The following PLXNB2 variants were observed in gnomAD, a reference collection of about 807,000 sequenced individuals.
PLXNB2 encodes plexin-B2.
In PLXNB2, 85 loss-of-function variants were observed where a neutral mutation model predicts 202.6. The observed-to-expected ratio is 0.42, with a 90% CI of 0.35 to 0.50. The LOEUF is 0.50. PLXNB2 is among the 20% of genes least tolerant of loss of function. The pLI, the probability that PLXNB2 is intolerant of heterozygous loss-of-function variation, is 0.02. For synonymous variants in PLXNB2, 1,239 were observed against 1,137.6 expected (o/e 1.09, Z -1.79); for missense variants, 2,063 against 2,586.2 (o/e 0.80, Z 4.39).
intron 1 of PLXNB2, among the ~76,000 whole-genome samples, chr22:50,300,867 C>T (rs576182643): frequency 1.3e-5 from 2 of 152,274 alleles, no homozygotes; most frequent in Admixed American, 6.5e-5. Flanking sequence ...TTAGTCACAG[C>T]CCCCACTGGT....
rs2066622538 is a variant in PLXNB2 at position 50,288,354 on chromosome 22, T to C, written c.1381-317A>G. ...TCTCTGGCACTAACCCCCCACAAGCTTGGGGCCCAGGCCCATGTTCTCCAC... is the reference window on the plus strand; with the variant it reads ...TCTCTGGCACTAACCCCCCACAAGCCTGGGGCCCAGGCCCATGTTCTCCAC... On this transcript the variant is annotated intron_variant, in intron 5 of 36. Transcript: ENST00000359337. This position sits in a 1 kb window ranked among gnomAD's most constrained non-coding sequence, Gnocchi z 5.0. 1.3e-5 allele frequency among the ~76,000 whole-genome samples: 2 copies of C among 152,116 alleles called. No homozygotes were observed. The highest frequency in any genetic ancestry group is 2.1e-4 in the South Asian group (1 of 4,808).
intron 1 of PLXNB2, among the ~76,000 whole-genome samples, chr22:50,299,277 G>C (rs1240650365): frequency 7.1e-6 from 1 of 141,656 alleles, no homozygotes; most frequent in African/African-American, 2.5e-5. Flanking sequence ...AAGGATTGGG[G>C]TGGACACAGG....
chr22:50,286,020 G>A lies in PLXNB2; in HGVS notation c.1956C>T (p.Asn652=). The part of the protein sequence containing the change: ...RYHECREASP[N]PEDGIVRAHM... ...GGGCACGGACGATGCCGTCCTCAGG[G>A]TTGGGCGAAGCCTCCCGGCACTCGT... The change falls in exon 10 of 37, where the codon AAC becomes AAT. Residue 652 remains asparagine, a synonymous_variant. Transcript: ENST00000359337. 3 of 1,612,454 alleles carry A rather than the reference G, an allele frequency of 1.9e-6. No individual in the cohort carries two copies. In the South Asian group the frequency reaches 3.3e-5, roughly 18 times the overall value.
chr22:50,287,821 C>T lies in PLXNB2; in HGVS notation c.1482-28G>A, dbSNP rs755659932. The T allele has an allele frequency of 3.1e-6, 5 of 1,595,674 alleles. No individual in the cohort carries two copies. In the African/African-American group the frequency reaches 6.7e-5, roughly 21 times the overall value. Reference sequence around the variant, plus strand: ...GCAGGCGCAGGGGGCGGCCTCAGCCCAGGGTGGAGTCTTGTTCTCCCGGGA... The same window carrying T: ...GCAGGCGCAGGGGGCGGCCTCAGCCTAGGGTGGAGTCTTGTTCTCCCGGGA... On this transcript the variant is annotated intron_variant, in intron 6 of 36. Transcript: ENST00000359337.
chr22:50,296,143 A>C (rs1247063960), intron 1 of PLXNB2, among the ~76,000 whole-genome samples: 1 of 151,216 alleles, frequency 6.6e-6, no homozygotes, highest in African/African-American at 2.4e-5. Context: ...GGGAGCAAGG[A>C]GGAGGCCACG....
At position 50,289,474 on chromosome 22, in the gene PLXNB2, C is replaced by G. The variant is rs376556544; in HGVS notation, c.1068+43G>C. On this transcript the variant is annotated intron_variant, in intron 3 of 36. Coordinates refer to ENST00000359337, the MANE Select transcript of PLXNB2 (RefSeq NM_012401.4). The surrounding 1 kb of genome is among the most constrained non-coding windows in gnomAD (Gnocchi z 8.0). ...TGGGACACGCAAACCCACGAACGGA[C>G]GCCTGCAGTCCGGGCCCTGCGAGAA... 6.5e-6 allele frequency: 10 copies of G among 1,535,344 alleles called. No homozygotes were observed. The African/African-American group carries it at 1.1e-4, about 17-fold the overall frequency.
chr22:50,298,764 G>C (rs1261563250), intron 1 of PLXNB2, among the ~76,000 whole-genome samples: 1 of 152,182 alleles, frequency 6.6e-6, no homozygotes, highest in Non-Finnish European at 1.5e-5. Flanking sequence ...TCCTGCCTCA[G>C]CCTCTCCAGT....
At chr22:50,292,380 C>G (rs970628798) in intron 2 of PLXNB2, among the ~76,000 whole-genome samples, 1 of 140,862 alleles carries the variant, frequency 7.1e-6, no homozygotes, top group Admixed American at 7.1e-5. Context: ...GTACAAAGAA[C>G]AAGCCACAAA....
intron 1 of PLXNB2, among the ~76,000 whole-genome samples, chr22:50,299,606 G>C (rs371381557): frequency 6.6e-6 from 1 of 152,178 alleles, no homozygotes; most frequent in Admixed American, 6.5e-5. Flanking sequence ...GGGGTGCCGC[G>C]GGGCGTGGGG....
intron 1 of PLXNB2, among the ~76,000 whole-genome samples, chr22:50,307,112 G>A (rs1352005277): frequency 6.6e-6 from 1 of 151,934 alleles, no homozygotes; most frequent in African/African-American, 2.4e-5. Context: ...TGGTCCCCCC[G>A]CGCCAAGCAG....
chr22:50,304,724 C>G (rs2067826563), intron 1 of PLXNB2, among the ~76,000 whole-genome samples: 1 of 152,106 alleles, frequency 6.6e-6, no homozygotes, highest in Non-Finnish European at 1.5e-5. Context: ...CCACCCCACC[C>G]ACAGCCCCAC....
intron 2 of PLXNB2, among the ~76,000 whole-genome samples, chr22:50,294,395 AC>A (rs2067112329): frequency 1.4e-5 from 2 of 146,486 alleles, no homozygotes; most frequent in South Asian, 4.4e-4. Context: ...CCCCCACCAC[AC>A]CCCCAACGCT....
chr22:50,282,974 T>A (rs1223249658), intron 17 of PLXNB2, 76 bp downstream of exon 17: 2 of 1,566,492 alleles, frequency 1.3e-6, no homozygotes, highest in African/African-American at 1.4e-5. Flanking sequence ...TCAGGGCCAC[T>A]CAGGTCTCAG....
intron 27 of PLXNB2, 31 bp from the exon 28 acceptor site, chr22:50,279,042 G>C: frequency 6.3e-7 from 1 of 1,579,022 alleles, no homozygotes; most frequent in African/African-American, 1.3e-5. Context: ...AAGCCCAGTG[G>C]GAGGCCCTGC....
rs112116434 is a variant in PLXNB2, at chr22:50,279,861, C to T, written c.4243-85G>A. 3.8e-5 allele frequency: 58 copies of T among 1,525,568 alleles called. No homozygotes were observed. In the South Asian group the frequency reaches 5.0e-4, roughly 13 times the overall value. 94.5% of individuals were successfully genotyped at this position (1,525,568 alleles called of 1,614,324 possible). On this transcript the variant is annotated intron_variant, in intron 26 of 36. Transcript: ENST00000359337. The stretch of plus-strand genomic sequence containing the variant: ...CCGGAGCCCTGGCCAGAGGCATGGA[C>T]GGGGCTGACCATGTCAGGGGCAGGA...
chr22:50,306,736 CT>C (rs1321113777), intron 1 of PLXNB2, among the ~76,000 whole-genome samples: 1 of 151,266 alleles, frequency 6.6e-6, no homozygotes, highest in East Asian at 2.0e-4. Context: ...CCCTCACCCC[CT>C]GTCCTGACTC....
At chr22:50,303,739 C>T (rs755359484) in intron 1 of PLXNB2, among the ~76,000 whole-genome samples, 1 of 152,218 alleles carries the variant, frequency 6.6e-6, no homozygotes, top group Admixed American at 6.5e-5. Flanking sequence ...CCAGAGGGGC[C>T]GGGGCCCTAC....
In PLXNB2 at chr22:50,284,316, G is replaced by C; in HGVS notation, c.2182-103C>G. The C allele has an allele frequency of 9.0e-7, 1 of 1,112,642 alleles. No individual in the cohort carries two copies. Among genetic ancestry groups the C allele is most frequent in the African/African-American group, 1.5e-5 (1 of 65,746 alleles). 68.9% of individuals were successfully genotyped at this position (1,112,642 alleles called of 1,614,324 possible). A position where few individuals can be genotyped will look rare whatever the true frequency, so the allele number is the denominator to read the frequency against. On this transcript the variant is annotated intron_variant, in intron 12 of 36. Coordinates refer to ENST00000359337, the MANE Select transcript of PLXNB2 (RefSeq NM_012401.4). This position sits in a 1 kb window ranked among gnomAD's most constrained non-coding sequence, Gnocchi z 8.0. ...CCTGTGGCCACCGGGTCCCTTCCCA[G>C]CCAAGGGCAGCAGGGGAGGCCTTCA...
chr22:50,278,635 C>T lies in PLXNB2; in HGVS notation c.4608G>A (p.Glu1536=), dbSNP rs372692052. 116 of 1,613,126 alleles carry T rather than the reference C, an allele frequency of 7.2e-5. No individual in the cohort carries two copies. The African/African-American group carries it at 1.4e-3, about 20-fold the overall frequency. ...LSDLDLTSQR[E]GRWKRVNTLM... ...GGGTGTTGACGCGCTTCCACCGGCC[C>T]TCCCGCTGTGACGTCAGGTCCAGGT... The change falls in exon 29 of 37, where the codon GAG becomes GAA. Residue 1536 remains glutamate (E), a synonymous_variant. Coordinates refer to ENST00000359337, the MANE Select transcript of PLXNB2 (RefSeq NM_012401.4).
Sources: gnomAD v4.1 joint callset for allele counts (sites outside exome capture counted in the v4.1 genomes callset) on GRCh38, gnomAD v4.1.1 for gene constraint, Gnocchi (gnomAD v3.1) non-coding constraint, MANE v1.5 for transcripts, NCBI Gene and HGNC (gene_info 2026-07-23, HGNC 2026-07-21) for gene names.